The following GLB1L3 variants were observed in gnomAD, a reference collection of about 807,000 sequenced individuals.
The protein encoded by GLB1L3 is galactosidase beta 1 like 3, also known as beta-galactosidase-1-like protein 3.
In GLB1L3, 89 loss-of-function variants were observed where a neutral mutation model predicts 89.5. That is an observed-to-expected ratio of 0.99 (90% CI 0.84 to 1.19). GLB1L3 has a LOEUF of 1.19. Ranked by LOEUF, GLB1L3 falls within the 50% of genes most tolerant of loss-of-function variation. The pLI is 0.00. For missense variants in GLB1L3, 812 were observed against 813.3 expected, an observed-to-expected ratio of 1.00 and a Z score of 0.02; for synonymous variants, 314 against 312.3, an observed-to-expected ratio of 1.01 and a Z score of -0.06.
At chr11:134,311,474 C>A in intron 13 of GLB1L3, 1 of 234,988 alleles carries the variant, frequency 4.3e-6, no homozygotes, top group African/African-American at 2.3e-5. Context: ...GTAGGAAAAG[C>A]TGCTGAGCTG....
intron 11 of GLB1L3, chr11:134,310,311 G>C: frequency 1.9e-6 from 1 of 519,070 alleles, no homozygotes; most frequent in Admixed American, 3.2e-5. Context: ...CCCATGAGCT[G>C]TGGGTTGAAC....
At position 134,281,434 on chromosome 11, in the gene GLB1L3, C is replaced by T; in HGVS notation, c.420C>T (p.Asn140=). ...PERGKFDFSG[N]LDLEAFVLMA... ...GAGGCAAATTTGACTTCTCTGGGAACCTGGACCTGGAGTATGTGGTGTTGC... is the reference window on the plus strand; with the variant it reads ...GAGGCAAATTTGACTTCTCTGGGAATCTGGACCTGGAGTATGTGGTGTTGC... The change falls in exon 4 of 20, where the codon AAC becomes AAT. Residue 140 remains asparagine (N), a synonymous_variant. Transcript: ENST00000431683. The T allele has an allele frequency of 6.2e-7, 1 of 1,613,498 alleles. No homozygotes were observed. The highest frequency in any genetic ancestry group is 1.1e-5 in the South Asian group (1 of 91,064).
chr11:134,295,379 C>G (rs977610582), intron 9 of GLB1L3, among the ~76,000 whole-genome samples: 2 of 152,038 alleles, frequency 1.3e-5, no homozygotes, highest in Non-Finnish European at 2.9e-5. Flanking sequence ...TATTCTATTC[C>G]ATCTAAATTT....
At chr11:134,295,854 A>G (rs1184539429) in intron 9 of GLB1L3, among the ~76,000 whole-genome samples, 1 of 152,062 alleles carries the variant, frequency 6.6e-6, no homozygotes, top group African/African-American at 2.4e-5. Flanking sequence ...ATTTCCCTTG[A>G]GACTTTCTTT....
In GLB1L3 at chr11:134,300,017, G is replaced by A. The variant is rs191983944; in HGVS notation, c.876+6808G>A. Among the ~76,000 whole-genome samples, 14 of 152,270 alleles carry A rather than the reference G, an allele frequency of 9.2e-5. No homozygotes were observed. In the East Asian group the frequency reaches 1.9e-3, roughly 21 times the overall value. On this transcript the variant is annotated intron_variant, in intron 9 of 19. Coordinates refer to ENST00000431683, the MANE Select transcript of GLB1L3 (RefSeq NM_001080407.3). Reference sequence around the variant, plus strand: ...GGCTGGGAGAAGGTCTGGCAGTGGCGGTGGCTCTCTCCCCTCAGCCAGCAC... The same window carrying A: ...GGCTGGGAGAAGGTCTGGCAGTGGCAGTGGCTCTCTCCCCTCAGCCAGCAC...
At chr11:134,289,466 G>A (rs1057478682) in intron 7 of GLB1L3, among the ~76,000 whole-genome samples, 11 of 152,176 alleles carry the variant, frequency 7.2e-5, no homozygotes, top group Non-Finnish European at 1.6e-4. Context: ...GTTCAAACCT[G>A]TGTTGTTCAA....
At chr11:134,313,586 C>G (rs1189077345) in intron 16 of GLB1L3, 112 bp downstream of exon 16, 5 of 943,354 alleles carry the variant, frequency 5.3e-6, no homozygotes, top group Non-Finnish European at 8.2e-6. Flanking sequence ...CAGTGGGCTA[C>G]CCAGGCCCTG....
At chr11:134,278,482 C>A (rs150318707) in intron 3 of GLB1L3, among the ~76,000 whole-genome samples, 2,582 of 152,170 alleles carry the variant, frequency 0.017, 24 homozygotes, top group Non-Finnish European at 0.028. Context: ...GATGGAGTTT[C>A]GCCATGTTGC....
chr11:134,298,084 T>C (rs984273389), intron 9 of GLB1L3, among the ~76,000 whole-genome samples: 1 of 151,906 alleles, frequency 6.6e-6, no homozygotes, highest in Admixed American at 6.6e-5. Flanking sequence ...TTTTGTCTTT[T>C]ATCCTCTGGC....
At chr11:134,308,019 T>C (rs1942279160) in intron 10 of GLB1L3, among the ~76,000 whole-genome samples, 3 of 151,580 alleles carry the variant, frequency 2.0e-5, no homozygotes, top group African/African-American at 7.3e-5. Context: ...GGTTGAAAAA[T>C]AGAAAAAAAG....
At chr11:134,283,104 C>A (rs1046457273) in intron 5 of GLB1L3, among the ~76,000 whole-genome samples, 43 of 152,070 alleles carry the variant, frequency 2.8e-4, no homozygotes, top group Admixed American at 2.0e-3. Flanking sequence ...CTCTCGTCAC[C>A]CAGGCTGGAG....
At chr11:134,316,197 C>T (rs1942970379) in intron 18 of GLB1L3, among the ~76,000 whole-genome samples, 1 of 151,486 alleles carries the variant, frequency 6.6e-6, no homozygotes, top group Non-Finnish European at 1.5e-5. Context: ...TTGGAAATGA[C>T]TCCCATACCT....
intron 9 of GLB1L3, among the ~76,000 whole-genome samples, chr11:134,296,730 A>G (rs1941666635): frequency 6.7e-6 from 1 of 149,734 alleles, no homozygotes; most frequent in South Asian, 2.2e-4. Context: ...ACTGGGAGAT[A>G]TACCTAATGT....
At chr11:134,310,925 T>C in intron 12 of GLB1L3, 139 bp from the exon 13 acceptor site, 1 of 691,408 alleles carries the variant, frequency 1.4e-6, no homozygotes, top group Non-Finnish European at 2.6e-6. Context: ...TGAGTTACTC[T>C]TTGTAAAGCT....
rs534422358 is a variant in GLB1L3 at position 134,281,504 on chromosome 11, G to T, written c.431+59G>T. 7.1e-4 allele frequency: 242 copies of T among 343,218 alleles called. 1 individual carries two copies. The African/African-American group carries it at 0.016, about 22-fold the overall frequency. 21.3% of individuals were successfully genotyped at this position (343,218 alleles called of 1,614,324 possible). Reference sequence around the variant, plus strand: ...GGGGCAGGGCACAGAGGTGGCTACTGGGGGTGGATTAGCAACCAAAGAGAA... The same window carrying T: ...GGGGCAGGGCACAGAGGTGGCTACTTGGGGTGGATTAGCAACCAAAGAGAA... On this transcript the variant is annotated intron_variant, in intron 4 of 19. Transcript: ENST00000431683.
intron 9 of GLB1L3, among the ~76,000 whole-genome samples, chr11:134,306,824 C>T (rs1483926716): frequency 6.6e-6 from 1 of 152,230 alleles, no homozygotes; most frequent in African/African-American, 2.4e-5. Context: ...TATCCAAAAC[C>T]CATTCTTTCA....
chr11:134,309,795 C>G (rs2136215313), intron 11 of GLB1L3, 32 bp downstream of exon 11: 3 of 1,608,316 alleles, frequency 1.9e-6, no homozygotes, highest in East Asian at 4.5e-5. Flanking sequence ...GCCTCTCCAG[C>G]ATGGGCGGTG....
intron 9 of GLB1L3, among the ~76,000 whole-genome samples, chr11:134,294,907 T>C (rs1941552074): frequency 6.6e-6 from 1 of 152,188 alleles, no homozygotes; most frequent in South Asian, 2.1e-4. Flanking sequence ...CCTGCTTTAG[T>C]GTGTTAATAC....
chr11:134,310,235 A>C, intron 11 of GLB1L3: 2 of 373,048 alleles, frequency 5.4e-6, no homozygotes, highest in Non-Finnish European at 9.8e-6. Context: ...AAAAACACAA[A>C]ATGTTTTAAG....
Sources: gnomAD v4.1 joint callset for allele counts (sites outside exome capture counted in the v4.1 genomes callset) on GRCh38, gnomAD v4.1.1 for gene constraint, MANE v1.5 for transcripts, NCBI Gene and HGNC (gene_info 2026-07-23, HGNC 2026-07-21) for gene names.